Variants in EVI5 observed in about 807,000 individuals in gnomAD.
EVI5 encodes the protein ecotropic viral integration site 5, also known as ecotropic viral integration site 5 protein homolog.
Under a neutral mutation model 112.0 loss-of-function variants are expected in EVI5, and 73 were observed. The observed-to-expected ratio is 0.65, with a 90% CI of 0.54 to 0.79. EVI5 has a LOEUF of 0.79. EVI5 is among the 30% of genes least tolerant of loss of function. The pLI is 0.00. For synonymous variants in EVI5, 305 were observed against 319.9 expected (o/e 0.95, Z 0.50); for missense variants, 900 against 968.8 (o/e 0.93, Z 0.94).
intron 1 of EVI5, among the ~76,000 whole-genome samples, chr1:92,777,300 T>C (rs553214912): frequency 6.6e-6 from 1 of 152,312 alleles, no homozygotes; most frequent in East Asian, 1.9e-4. Context: ...CTATTATTCA[T>C]GCAACATTTA....
chr1:92,696,814 G>A (rs560233266), intron 6 of EVI5, among the ~76,000 whole-genome samples: 8 of 152,136 alleles, frequency 5.3e-5, no homozygotes, highest in South Asian at 2.1e-4. Flanking sequence ...CAAGGCGGGC[G>A]GTTCATGAGG....
In EVI5 at chr1:92,742,587, C is replaced by T. The variant is rs369396781; in HGVS notation, c.-81-5960G>A. On this transcript the variant is annotated intron_variant, in intron 1 of 19. Transcript: ENST00000684568. ...ACTCAGGAGGCTGAGGCAGGAGAATCGCTTGAACGCAGGAGGTGGAGGTTG... is the reference window on the plus strand; with the variant it reads ...ACTCAGGAGGCTGAGGCAGGAGAATTGCTTGAACGCAGGAGGTGGAGGTTG... Among the ~76,000 whole-genome samples the T allele has an allele frequency of 7.3e-4, 111 of 151,862 alleles. 1 individual carries two copies. Among genetic ancestry groups the T allele is most frequent in the South Asian group, 4.6e-3 (22 of 4,804 alleles).
intron 2 of EVI5, among the ~76,000 whole-genome samples, chr1:92,731,010 T>C (rs1303301964): frequency 6.6e-6 from 1 of 151,962 alleles, no homozygotes; most frequent in Non-Finnish European, 1.5e-5. Flanking sequence ...AGCTGCAGGA[T>C]ACATGAATCA....
chr1:92,530,624 C>A (rs1662713959), intron 19 of EVI5, among the ~76,000 whole-genome samples: 1 of 151,926 alleles, frequency 6.6e-6, no homozygotes, highest in Non-Finnish European at 1.5e-5. Context: ...CTGCAGCATC[C>A]ACTGGTGATA....
intron 18 of EVI5, among the ~76,000 whole-genome samples, chr1:92,596,682 A>T (rs1647978061): frequency 6.6e-6 from 1 of 152,110 alleles, no homozygotes; most frequent in Non-Finnish European, 1.5e-5. Context: ...TAATTCTTGA[A>T]CTCTTGACCT....
chr1:92,778,342 C>T (rs1307743611), intron 1 of EVI5, among the ~76,000 whole-genome samples: 2 of 152,154 alleles, frequency 1.3e-5, no homozygotes, highest in Non-Finnish European at 2.9e-5. Context: ...CAAGTGAATG[C>T]TGAACAGTTA....
intron 19 of EVI5, among the ~76,000 whole-genome samples, chr1:92,553,632 C>T (rs963879078): frequency 6.6e-6 from 1 of 151,924 alleles, no homozygotes; most frequent in African/African-American, 2.4e-5. Context: ...GAGGGTTTTG[C>T]CATATTGCCC....
At chr1:92,591,089 G>C (rs1433191274) in intron 18 of EVI5, among the ~76,000 whole-genome samples, 4 of 152,174 alleles carry the variant, frequency 2.6e-5, no homozygotes, top group Non-Finnish European at 1.5e-5. Flanking sequence ...CACCAGGCCT[G>C]CCCTAAAAGA....
chr1:92,735,406 T>C (rs560008582), intron 2 of EVI5, among the ~76,000 whole-genome samples: 4 of 152,044 alleles, frequency 2.6e-5, no homozygotes, highest in African/African-American at 9.6e-5. Context: ...TTTCTTGATT[T>C]TGGCGACAAT....
At chr1:92,705,476 C>G (rs1055675243) in intron 2 of EVI5, among the ~76,000 whole-genome samples, 1 of 152,196 alleles carries the variant, frequency 6.6e-6, no homozygotes, top group Non-Finnish European at 1.5e-5. Flanking sequence ...AATCTGCTCA[C>G]TTTCCATAAT....
intron 2 of EVI5, chr1:92,714,011 C>T: frequency 1.0e-6 from 1 of 984,246 alleles, no homozygotes. Context: ...ATAAATTCAT[C>T]TCTGCCAAAG....
At chr1:92,723,359 C>CGG (rs1256203029) in intron 2 of EVI5, among the ~76,000 whole-genome samples, 1 of 152,138 alleles carries the variant, frequency 6.6e-6, no homozygotes, top group African/African-American at 2.4e-5. Context: ...GGACCCTGAA[C>CGG]GGAGGGACCG....
intron 19 of EVI5, among the ~76,000 whole-genome samples, chr1:92,548,942 A>G (rs1448166217): frequency 6.6e-6 from 1 of 152,212 alleles, no homozygotes. Context: ...CATACATTCA[A>G]TGCCATCCCC....
intron 10 of EVI5, among the ~76,000 whole-genome samples, chr1:92,670,165 G>A (rs1315751437): frequency 6.6e-6 from 1 of 152,026 alleles, no homozygotes; most frequent in African/African-American, 2.4e-5. Context: ...AACTGGCTAT[G>A]GAAATAATAA....
chr1:92,736,540 T>A lies in EVI5; in HGVS notation c.7A>T (p.Ser3Cys). ...GAAGTAGATGGACTTGCCACCTGACTGGCCATCTGACTGACTGTATGCGAT... is the reference window on the plus strand; with the variant it reads ...GAAGTAGATGGACTTGCCACCTGACAGGCCATCTGACTGACTGTATGCGAT... MA[S>C]QVASPSTSLH... The change falls in exon 2 of 20, where the codon AGT (serine) becomes TGT (cysteine). Residue 3 changes from serine to cysteine, a missense_variant. Ser to Cys is a moderately radical substitution (Grantham distance 112, BLOSUM62 -1). Coordinates refer to ENST00000684568, the MANE Select transcript of EVI5 (RefSeq NM_001350197.2). 1.2e-6 allele frequency: 2 copies of A among 1,613,892 alleles called. No individual in the cohort carries two copies. The highest frequency in any genetic ancestry group is 1.7e-6 in the Non-Finnish European group (2 of 1,179,754).
At chr1:92,784,156 G>T in intron 1 of EVI5, 1 of 262,452 alleles carries the variant, frequency 3.8e-6, no homozygotes, top group South Asian at 1.4e-4. Context: ...TGCCAAATGA[G>T]ATGATCTAAG....
intron 2 of EVI5, among the ~76,000 whole-genome samples, chr1:92,718,687 A>G (rs1386058687): frequency 1.3e-5 from 2 of 152,236 alleles, no homozygotes; most frequent in Non-Finnish European, 2.9e-5. Flanking sequence ...AGAAATAACT[A>G]AGAACAGAGC....
chr1:92,689,081 A>G (rs1241990954), intron 9 of EVI5, among the ~76,000 whole-genome samples: 1 of 152,224 alleles, frequency 6.6e-6, no homozygotes, highest in Non-Finnish European at 1.5e-5. Context: ...GCCAATAAAC[A>G]TATGAAAAGA....
chr1:92,542,232 A>G (rs960866634), intron 19 of EVI5, among the ~76,000 whole-genome samples: 2 of 152,178 alleles, frequency 1.3e-5, no homozygotes, highest in Non-Finnish European at 2.9e-5. Context: ...TGTTCACAGT[A>G]TCTTTACCAG....
Sources: gnomAD v4.1 joint callset for allele counts (sites outside exome capture counted in the v4.1 genomes callset) on GRCh38, gnomAD v4.1.1 for gene constraint, MANE v1.5 for transcripts, NCBI Gene and HGNC (gene_info 2026-07-23, HGNC 2026-07-21) for gene names.